The following HDAC11 variants were observed in gnomAD, a reference collection of about 807,000 sequenced individuals.
HDAC11 encodes histone deacetylase 11.
In HDAC11, 23 loss-of-function variants were observed where a neutral mutation model predicts 41.1. The observed-to-expected ratio is 0.56, with a 90% CI of 0.40 to 0.79. The LOEUF (loss-of-function observed/expected upper bound fraction) is 0.79. HDAC11 is among the 30% of genes least tolerant of loss of function. HDAC11 has a pLI of 0.00. For synonymous variants in HDAC11, 187 were observed against 186.6 expected (o/e 1.00, Z -0.02); for missense variants, 402 against 477.3 (o/e 0.84, Z 1.47).
Position 13,504,725 on chromosome 3 carries a change from C to G in HDAC11, c.*42C>G. 3 of 1,555,208 alleles carry G rather than the reference C, an allele frequency of 1.9e-6. No homozygotes were observed. Among genetic ancestry groups the G allele is most frequent in the Non-Finnish European group, 2.7e-6 (3 of 1,128,488 alleles). Reference sequence around the variant, plus strand: ...TGTCACGTGGCCCTGCCTATCCGCCCCTTAGTGCTTTTTGTTTTCTAACCT... The same window carrying G: ...TGTCACGTGGCCCTGCCTATCCGCCGCTTAGTGCTTTTTGTTTTCTAACCT... On this transcript the variant is annotated 3_prime_UTR_variant, in exon 10 of 10. Coordinates refer to ENST00000295757, the MANE Select transcript of HDAC11 (RefSeq NM_024827.4).
intron 3 of HDAC11, among the ~76,000 whole-genome samples, chr3:13,489,704 C>T (rs1192966751): frequency 6.6e-6 from 1 of 151,626 alleles, no homozygotes; most frequent in Non-Finnish European, 1.5e-5. Flanking sequence ...GTAGCTGGGA[C>T]TACAGGCGTG....
chr3:13,500,020 G>A (rs540043956), intron 5 of HDAC11, among the ~76,000 whole-genome samples: 2 of 152,286 alleles, frequency 1.3e-5, no homozygotes, highest in East Asian at 3.9e-4. Context: ...AGCAAGCTCA[G>A]TTGCTCAGTC....
At position 13,485,164 on chromosome 3, in the gene HDAC11, C is replaced by G. The variant is rs77614465; in HGVS notation, c.252+1600C>G. 2.6e-3 allele frequency among the ~76,000 whole-genome samples: 393 copies of G among 152,354 alleles called. 13 individuals are homozygous for G. The East Asian group carries it at 0.06, about 23-fold the overall frequency. ...GTCATCCAGTCCAGTCTTCTAGGTT[C>G]CCAGTCAGGGCTGCTGCCTCCCTGC... On this transcript the variant is annotated intron_variant, in intron 3 of 9. Coordinates refer to ENST00000295757, the MANE Select transcript of HDAC11 (RefSeq NM_024827.4).
intron 6 of HDAC11, among the ~76,000 whole-genome samples, chr3:13,501,473 G>A (rs534329055): frequency 6.6e-6 from 1 of 152,166 alleles, no homozygotes. Context: ...GGAAGAGGGG[G>A]CATTTAGGAC....
chr3:13,501,957 C>G, intron 7 of HDAC11, 24 bp downstream of exon 7: 1 of 1,604,800 alleles, frequency 6.2e-7, no homozygotes, highest in Admixed American at 1.7e-5. Flanking sequence ...AGGGGCTGGA[C>G]TCTTAGGGGA....
At chr3:13,483,037 C>T (rs947462517) in intron 2 of HDAC11, among the ~76,000 whole-genome samples, 8 of 150,830 alleles carry the variant, frequency 5.3e-5, no homozygotes, top group African/African-American at 1.5e-4. Flanking sequence ...AGGCGTGAAC[C>T]ACCACACCTG....
chr3:13,502,692 TAGA>T lies in HDAC11; in HGVS notation c.553-189_553-187del, dbSNP rs1702428907. ...GCACTGGGCTTGCTCAAGCCCATGC[TAGA>T]AGGTGTCGGGGCCTGGTTTTAAGGT... On this transcript the variant is annotated intron_variant, in intron 7 of 9. Transcript: ENST00000295757. This position sits in a 1 kb window ranked among gnomAD's most constrained non-coding sequence, Gnocchi z 4.1. 3.5e-6 allele frequency: 2 copies of T among 570,536 alleles called. No homozygotes were observed. The highest frequency in any genetic ancestry group is 6.3e-6 in the Non-Finnish European group (2 of 316,012). 35.3% of individuals were successfully genotyped at this position (570,536 alleles called of 1,614,324 possible).
At chr3:13,486,500 G>A (rs532780779) in intron 3 of HDAC11, among the ~76,000 whole-genome samples, 1 of 151,378 alleles carries the variant, frequency 6.6e-6, no homozygotes, top group East Asian at 1.9e-4. Context: ...GATGGTCAGG[G>A]AGGGCCTCAC....
intron 5 of HDAC11, among the ~76,000 whole-genome samples, chr3:13,499,487 T>A (rs796978887): frequency 2.8e-4 from 43 of 152,310 alleles, no homozygotes; most frequent in African/African-American, 1.0e-3. Flanking sequence ...ACCCAGACTC[T>A]TATTTGAGCT....
chr3:13,484,356 A>T (rs1701463445), intron 3 of HDAC11, among the ~76,000 whole-genome samples: 1 of 150,264 alleles, frequency 6.7e-6, no homozygotes, highest in Admixed American at 6.7e-5. Flanking sequence ...CTAATTTGAA[A>T]CCCTCAGGGC....
At chr3:13,503,564 CGAAAGAAA>C (rs965572305) in intron 8 of HDAC11, among the ~76,000 whole-genome samples, 1 of 152,120 alleles carries the variant, frequency 6.6e-6, no homozygotes, top group African/African-American at 2.4e-5. Context: ...AACTCCATCT[CGAAAGAAA>C]GAAAGAAATT....
Position 13,504,802 on chromosome 3 carries a change from C to A in HDAC11, c.*119C>A. On this transcript the variant is annotated 3_prime_UTR_variant, in exon 10 of 10. Coordinates refer to ENST00000295757, the MANE Select transcript of HDAC11 (RefSeq NM_024827.4). ...TGAGCATGGAGGGGCAGGGCCATCC[C>A]TGGCTGGGGCCTGGAGCTGGCCCTT... The A allele has an allele frequency of 1.1e-6, 1 of 888,256 alleles. No homozygotes were observed. Among genetic ancestry groups the A allele is most frequent in the Non-Finnish European group, 1.8e-6 (1 of 569,314 alleles). The allele number at this position is 888,256 out of a possible 1,614,324, so 55.0% of individuals were successfully genotyped here.
intron 1 of HDAC11, 65 bp from the exon 2 acceptor site, chr3:13,481,181 T>C: frequency 6.5e-7 from 1 of 1,539,810 alleles, no homozygotes; most frequent in East Asian, 2.3e-5. Context: ...CCAGGCGGGC[T>C]CGGGAGGGAG....
In HDAC11 at chr3:13,480,851, C is replaced by A; in HGVS notation, c.3-395C>A. On this transcript the variant is annotated intron_variant, in intron 1 of 9. Transcript: ENST00000295757. This position sits in a 1 kb window ranked among gnomAD's most constrained non-coding sequence, Gnocchi z 4.6. ...GCATTCTCTGAGTCCTCACAACAGC[C>A]ACACATTTTGCAGCCGAAGCCTTGT... 1 of 392,880 alleles carries A rather than the reference C, an allele frequency of 2.5e-6. No homozygotes were observed. The highest frequency in any genetic ancestry group is 5.3e-6 in the Non-Finnish European group (1 of 187,914). The allele number at this position is 392,880 out of a possible 1,614,324, so 24.3% of individuals were successfully genotyped here.
At chr3:13,489,748 G>A (rs1701760568) in intron 3 of HDAC11, among the ~76,000 whole-genome samples, 1 of 152,032 alleles carries the variant, frequency 6.6e-6, no homozygotes, top group Admixed American at 6.6e-5. Context: ...TGTGTTTCTT[G>A]GTAGAGATGG....
chr3:13,485,047 C>A (rs1209926461), intron 3 of HDAC11, among the ~76,000 whole-genome samples: 1 of 152,230 alleles, frequency 6.6e-6, no homozygotes, highest in African/African-American at 2.4e-5. Context: ...GCAGGCCCCT[C>A]TGCTCCACAG....
chr3:13,481,426 C>A, intron 2 of HDAC11, 32 bp downstream of exon 2: 1 of 1,610,250 alleles, frequency 6.2e-7, no homozygotes, highest in Non-Finnish European at 8.5e-7. Context: ...CTCTCATCTG[C>A]TTCCTCCAAC....
At chr3:13,488,085 ACTAT>A (rs1281581923) in intron 3 of HDAC11, among the ~76,000 whole-genome samples, 4 of 151,320 alleles carry the variant, frequency 2.6e-5, no homozygotes, top group African/African-American at 9.7e-5. Flanking sequence ...CCAGGGCAGA[ACTAT>A]CTGTCATGAG....
At chr3:13,496,876 C>T in intron 4 of HDAC11, 24 bp downstream of exon 4, 3 of 1,227,314 alleles carry the variant, frequency 2.4e-6, no homozygotes, top group Non-Finnish European at 3.4e-6. Context: ...GGGGGCATGG[C>T]TGGGCTGGGG....
Sources: gnomAD v4.1 joint callset for allele counts (sites outside exome capture counted in the v4.1 genomes callset) on GRCh38, gnomAD v4.1.1 for gene constraint, Gnocchi (gnomAD v3.1) non-coding constraint, MANE v1.5 for transcripts, NCBI Gene and HGNC (gene_info 2026-07-23, HGNC 2026-07-21) for gene names.